Variants in DOK5 observed in about 807,000 individuals in gnomAD.
DOK5 encodes docking protein 5, also known as downstream of tyrosine kinase 5.
DOK5 carries 27 observed loss-of-function variants against 43.3 expected under a neutral mutation model. The ratio of observed to expected loss-of-function variants is 0.62; its 90% CI spans 0.46 to 0.86. The LOEUF (loss-of-function observed/expected upper bound fraction) is 0.86. DOK5 is among the 40% of genes least tolerant of loss of function. The pLI is 0.00. For synonymous variants in DOK5, 146 were observed against 140.1 expected, an observed-to-expected ratio of 1.04 and a Z score of -0.30; for missense variants, 373 against 392.9, an observed-to-expected ratio of 0.95 and a Z score of 0.43.
rs112968366 is a variant in DOK5, at chr20:54,611,148, C to T, written c.735+625C>T. ...ACCCACAGCCATGCGTGTGCCATCT[C>T]TTCACAGTCATCGGTATATAAAGAT... is the stretch of plus-strand genomic sequence containing the variant. On this transcript the variant is annotated intron_variant, in intron 6 of 7. Coordinates refer to ENST00000262593, the MANE Select transcript of DOK5 (RefSeq NM_018431.5). 2.9e-3 allele frequency among the ~76,000 whole-genome samples: 437 copies of T among 152,356 alleles called. 3 individuals carry two copies. Among genetic ancestry groups the T allele is most frequent in the Non-Finnish European group, 4.7e-3 (320 of 68,040 alleles).
chr20:54,488,102 A>G (rs1982013660), intron 1 of DOK5, among the ~76,000 whole-genome samples: 1 of 152,230 alleles, frequency 6.6e-6, no homozygotes, highest in Non-Finnish European at 1.5e-5. Context: ...TCTGTCTACC[A>G]AAGTGCAGAT....
chr20:54,647,761 GA>G (rs1172668650), intron 7 of DOK5, among the ~76,000 whole-genome samples: 1 of 152,168 alleles, frequency 6.6e-6, no homozygotes, highest in Non-Finnish European at 1.5e-5. Flanking sequence ...TGGAGAGTCA[GA>G]AAACAAATCA....
chr20:54,494,190 G>T (rs1982301822), intron 1 of DOK5, among the ~76,000 whole-genome samples: 1 of 152,174 alleles, frequency 6.6e-6, no homozygotes, highest in Non-Finnish European at 1.5e-5. Flanking sequence ...ATGAATTAAA[G>T]AATTCCTCTC....
chr20:54,605,516 T>C (rs1986443351), intron 5 of DOK5, among the ~76,000 whole-genome samples: 2 of 152,242 alleles, frequency 1.3e-5, no homozygotes, highest in African/African-American at 2.4e-5. Flanking sequence ...ACATGTTGGC[T>C]TCACTTACCT....
At chr20:54,555,948 C>T (rs1191678014) in intron 2 of DOK5, among the ~76,000 whole-genome samples, 1 of 152,150 alleles carries the variant, frequency 6.6e-6, no homozygotes, top group African/African-American at 2.4e-5. Flanking sequence ...ACAGCTTTTC[C>T]TTTTGTGCAA....
intron 1 of DOK5, among the ~76,000 whole-genome samples, chr20:54,476,698 C>G (rs1026965134): frequency 1.3e-5 from 2 of 152,136 alleles, no homozygotes; most frequent in Admixed American, 6.5e-5. Context: ...TGGCATAGCG[C>G]AAGTGCTCCC....
At chr20:54,637,932 C>T (rs1484528426) in intron 6 of DOK5, among the ~76,000 whole-genome samples, 6 of 152,126 alleles carry the variant, frequency 3.9e-5, no homozygotes, top group Non-Finnish European at 8.8e-5. Context: ...ACCATCGTGG[C>T]TAACACGGTG....
At chr20:54,595,306 C>T (rs1446108481) in intron 5 of DOK5, among the ~76,000 whole-genome samples, 1 of 152,006 alleles carries the variant, frequency 6.6e-6, no homozygotes, top group African/African-American at 2.4e-5. Flanking sequence ...TGCCACTGCA[C>T]TCCAGCCTGG....
intron 2 of DOK5, among the ~76,000 whole-genome samples, chr20:54,576,886 T>G (rs562192584): frequency 6.6e-6 from 1 of 152,206 alleles, no homozygotes; most frequent in South Asian, 2.1e-4. Context: ...TTTGCATTCG[T>G]TTTTTCGCAT....
intron 2 of DOK5, among the ~76,000 whole-genome samples, chr20:54,588,193 GA>G (rs1985869669): frequency 6.6e-6 from 1 of 151,934 alleles, no homozygotes; most frequent in African/African-American, 2.4e-5. Context: ...AAAAACTAAA[GA>G]AAAAAGAAAA....
At chr20:54,619,816 C>T (rs559481616) in intron 6 of DOK5, among the ~76,000 whole-genome samples, 4 of 152,296 alleles carry the variant, frequency 2.6e-5, no homozygotes, top group South Asian at 2.1e-4. Context: ...TAATTTTAAA[C>T]GCAATATGCT....
intron 1 of DOK5, among the ~76,000 whole-genome samples, chr20:54,514,065 T>C (rs1983105836): frequency 6.6e-6 from 1 of 152,206 alleles, no homozygotes; most frequent in South Asian, 2.1e-4. Flanking sequence ...TTCAAGGGAA[T>C]AGCTGGGAAG....
At chr20:54,511,903 C>T (rs1983028218) in intron 1 of DOK5, among the ~76,000 whole-genome samples, 1 of 152,192 alleles carries the variant, frequency 6.6e-6, no homozygotes. Context: ...TAAGCCTGGC[C>T]TTCATTGGCC....
At chr20:54,525,704 A>C (rs1983551134) in intron 1 of DOK5, among the ~76,000 whole-genome samples, 1 of 152,186 alleles carries the variant, frequency 6.6e-6, no homozygotes, top group South Asian at 2.1e-4. Flanking sequence ...CTTTTACTAA[A>C]TATTGATCAT....
chr20:54,586,215 T>C (rs987773240), intron 2 of DOK5, among the ~76,000 whole-genome samples: 1 of 152,212 alleles, frequency 6.6e-6, no homozygotes, highest in Admixed American at 6.5e-5. Context: ...AGTAAGTCAT[T>C]GCTGGCAACT....
At chr20:54,627,797 C>T (rs1022677658) in intron 6 of DOK5, among the ~76,000 whole-genome samples, 4 of 152,136 alleles carry the variant, frequency 2.6e-5, no homozygotes, top group African/African-American at 9.7e-5. Flanking sequence ...AGTACTCAGG[C>T]GATGCTGAGG....
chr20:54,642,213 G>T (rs950712327), intron 6 of DOK5, among the ~76,000 whole-genome samples: 1 of 151,986 alleles, frequency 6.6e-6, no homozygotes, highest in Non-Finnish European at 1.5e-5. Context: ...CCCCGATGTG[G>T]TTGGTCAGGC....
chr20:54,640,526 T>G (rs1979061825), intron 6 of DOK5, among the ~76,000 whole-genome samples: 1 of 152,260 alleles, frequency 6.6e-6, no homozygotes, highest in South Asian at 2.1e-4. Flanking sequence ...CTTTTCTTTT[T>G]GTCCAAAGAC....
chr20:54,534,958 C>A (rs1379521307), intron 1 of DOK5, among the ~76,000 whole-genome samples: 2 of 152,074 alleles, frequency 1.3e-5, no homozygotes, highest in African/African-American at 4.8e-5. Context: ...CTCAGCCTCC[C>A]GAGTAGCTGG....
Sources: allele counts gnomAD v4.1 joint callset (sites outside exome capture counted in the v4.1 genomes callset), GRCh38; gene constraint gnomAD v4.1.1; transcripts MANE v1.5; gene names NCBI Gene and HGNC (gene_info 2026-07-23, HGNC 2026-07-21).